The following PIMREG variants were observed in gnomAD, a reference collection of about 807,000 sequenced individuals.
PIMREG encodes protein PIMREG.
Under a neutral mutation model 24.3 loss-of-function variants are expected in PIMREG, and 19 were observed. That is an observed-to-expected ratio of 0.78 (90% CI 0.54 to 1.15). The LOEUF is 1.15. Ranked by LOEUF, PIMREG falls within the 50% of genes most tolerant of loss-of-function variation. The probability of loss-of-function intolerance (pLI) is 0.00; values close to 1 mark genes in which losing one functional copy is unlikely to be tolerated. For synonymous variants in PIMREG, 112 were observed against 124.1 expected (o/e 0.90, Z 0.65); for missense variants, 283 against 306.8 (o/e 0.92, Z 0.58).
rs1202639150 is a variant in PIMREG, at chr17:6,451,254, A to C, written c.*907A>C. The C allele has an allele frequency of 6.6e-6, 1 of 152,194 alleles. No individual in the cohort carries two copies. Among genetic ancestry groups the C allele is most frequent in the Non-Finnish European group, 1.5e-5 (1 of 68,038 alleles). 9.4% of individuals were successfully genotyped at this position (152,194 alleles called of 1,614,324 possible). A position where few individuals can be genotyped will look rare whatever the true frequency, so the allele number is the denominator to read the frequency against. On this transcript the variant is annotated 3_prime_UTR_variant, in exon 6 of 6. Coordinates refer to ENST00000572447, the MANE Select transcript of PIMREG (RefSeq NM_019013.3). ...GGTTTCTCAACTTAGTTCAGACCAA[A>C]ACACATTGTAAAGGCAAAGAAGGTT...
chr17:6,449,372 C>G lies in PIMREG; in HGVS notation c.651C>G (p.Ser217=), dbSNP rs759414561. Residue 217 remains serine (S), a synonymous_variant, in exon 4 of 6, where the codon TCC becomes TCG. Transcript: ENST00000572447. Reference sequence around the variant, plus strand: ...GAATTCAGCATCTCCAGAAGCTGTCCCAAGAGCTAGATGAAGCCATTATGG... The same window carrying G: ...GAATTCAGCATCTCCAGAAGCTGTCGCAAGAGCTAGATGAAGCCATTATGG... ...GAGIQHLQKL[S]QELDEAIMAE... 1.2e-6 allele frequency: 2 copies of G among 1,613,602 alleles called. No individual in the cohort carries two copies. Among genetic ancestry groups the G allele is most frequent in the Non-Finnish European group, 1.7e-6 (2 of 1,179,750 alleles).
In PIMREG at chr17:6,450,413, T is replaced by C; in HGVS notation, c.*66T>C. 6.4e-7 allele frequency: 1 copy of C among 1,570,560 alleles called. No individual in the cohort carries two copies. Among genetic ancestry groups the C allele is most frequent in the Non-Finnish European group, 8.6e-7 (1 of 1,165,930 alleles). On this transcript the variant is annotated 3_prime_UTR_variant, in exon 6 of 6. Coordinates refer to ENST00000572447, the MANE Select transcript of PIMREG (RefSeq NM_019013.3). The stretch of plus-strand genomic sequence containing the variant: ...GCTTCATACTCAAGGATGTCTATGC[T>C]TCCCCGTGAGCTTCCTGGAAAAAAC...
In PIMREG at chr17:6,449,398, C is replaced by T. The variant is rs377526630; in HGVS notation, c.677C>T (p.Ala226Val). The change falls in exon 4 of 6, where the codon GCG (alanine) becomes GTG (valine). Residue 226 changes from alanine (A) to valine (V), a missense_variant. Transcript: ENST00000572447. ...CAAGAGCTAGATGAAGCCATTATGG[C>T]GGAAGAGAGGTGAGTTGGCATCCCA... ...LSQELDEAIM[A>V]EESGDIVSLI... is the part of the protein sequence containing the mutation. 25 of 1,612,572 alleles carry T rather than the reference C, an allele frequency of 1.6e-5. No homozygotes were observed. In the East Asian group the frequency reaches 2.9e-4, roughly 19 times the overall value.
intron 3 of PIMREG, 37 bp from the exon 4 acceptor site, chr17:6,449,275 C>T (rs373053624): frequency 1.9e-6 from 3 of 1,575,012 alleles, no homozygotes; most frequent in African/African-American, 2.7e-5. Flanking sequence ...CCGGGAGTTT[C>T]CAACTAGTCA....
rs1188799751 is a variant in PIMREG, at chr17:6,447,666, G to T, written c.498G>T (p.Arg166=). The T allele has an allele frequency of 6.2e-7, 1 of 1,614,052 alleles. No homozygotes were observed. Among genetic ancestry groups the T allele is most frequent in the African/African-American group, 1.3e-5 (1 of 74,950 alleles). The part of the protein sequence containing the change: ...WEKEHHRLSV[R]MGSHAHPLRR... ...AGGAGCATCACCGCCTCTCTGTCCGGATGGGCTCACATGCCCACCCATTAC... is the reference window on the plus strand; with the variant it reads ...AGGAGCATCACCGCCTCTCTGTCCGTATGGGCTCACATGCCCACCCATTAC... Residue 166 remains arginine, a synonymous_variant, in exon 3 of 6, where the codon CGG becomes CGT. Transcript: ENST00000572447.
chr17:6,448,590 G>A (rs1270375348), intron 3 of PIMREG, among the ~76,000 whole-genome samples: 1 of 152,204 alleles, frequency 6.6e-6, no homozygotes, highest in East Asian at 1.9e-4. Context: ...AGAAATAGAG[G>A]AGTAAAGGCT....
chr17:6,449,633 G>A (rs1407341322), intron 4 of PIMREG: 4 of 1,302,514 alleles, frequency 3.1e-6, no homozygotes, highest in Non-Finnish European at 4.0e-6. Context: ...CTGGGCCTTG[G>A]GACCCCATGT....
In PIMREG at chr17:6,450,047, A is replaced by G. The variant is rs1399992356; in HGVS notation, c.706A>G (p.Ile236Val). Residue 236 changes from isoleucine to valine, a missense_variant, in exon 5 of 6, where the codon ATT (isoleucine) becomes GTT (valine). Transcript: ENST00000572447. ...AEESGDIVSL[I>V]HD ...CTCTAGTGGTGACATCGTCTCTCTCATTCATGACTGAGGAAGTGCCTGCAG... is the reference window on the plus strand; with the variant it reads ...CTCTAGTGGTGACATCGTCTCTCTCGTTCATGACTGAGGAAGTGCCTGCAG... The G allele has an allele frequency of 1.2e-6, 2 of 1,614,162 alleles. No homozygotes were observed. The highest frequency in any genetic ancestry group is 1.7e-5 in the Admixed American group (1 of 60,032).
In PIMREG at chr17:6,447,750, C is replaced by T. The variant is rs763003347; in HGVS notation, c.582C>T (p.Cys194=). ...CCTACTCCTCAACAGAGCCCCTCTG[C>T]TCTCCCAGGCAAGTGGGATAGTGCT... ...RSPYSSTEPL[C]SPSESDSDLE... is the part of the protein sequence containing the mutation. Residue 194 remains cysteine (C), a synonymous_variant, in exon 3 of 6, where the codon TGC becomes TGT. Transcript: ENST00000572447. 4 of 1,600,082 alleles carry T rather than the reference C, an allele frequency of 2.5e-6. No individual in the cohort carries two copies. The highest frequency in any genetic ancestry group is 2.6e-6 in the Non-Finnish European group (3 of 1,170,028).
chr17:6,447,529 C>T lies in PIMREG; in HGVS notation c.361C>T (p.Arg121Trp), dbSNP rs144086256. 97 of 1,614,124 alleles carry T rather than the reference C, an allele frequency of 6.0e-5. No homozygotes were observed. The highest frequency in any genetic ancestry group is 1.5e-4 in the Admixed American group (9 of 60,020). The change falls in exon 3 of 6, where the codon CGG becomes TGG. Residue 121 changes from arginine to tryptophan, a missense_variant. Physicochemically the swap from Arg to Trp is moderately radical, Grantham distance 101. Coordinates refer to ENST00000572447, the MANE Select transcript of PIMREG (RefSeq NM_019013.3). ...GGAGACCCAGGTGAAGGCCAGGAGG[C>T]GGAAGAGAGGAGCACAGAAGGGCAG... The part of the protein sequence containing the change: ...LVETQVKARR[R>W]KRGAQKGSGS...
intron 2 of PIMREG, chr17:6,446,011 T>G: frequency 2.5e-6 from 1 of 400,876 alleles, no homozygotes; most frequent in Non-Finnish European, 4.4e-6. Context: ...ATTAGCATAT[T>G]AGAATTTGCC....
chr17:6,445,128 G>T lies in PIMREG; in HGVS notation c.18G>T (p.Gln6His). 6.3e-7 allele frequency: 1 copy of T among 1,599,034 alleles called. No individual in the cohort carries two copies. The highest frequency in any genetic ancestry group is 8.5e-7 in the Non-Finnish European group (1 of 1,172,136). The change falls in exon 2 of 6, where the codon CAG becomes CAT. Residue 6 changes from glutamine (Q) to histidine (H), a missense_variant. Gln to His is a conservative substitution (Grantham distance 24). Transcript: ENST00000572447. MASRW[Q>H]NMGTSVRRRS... ...CCAGGCAGATGGCTTCTCGGTGGCA[G>T]AACATGGGGACCTCCGTGCGCCGGA...
chr17:6,447,976 T>A (rs1913650906), intron 3 of PIMREG, among the ~76,000 whole-genome samples: 1 of 151,996 alleles, frequency 6.6e-6, no homozygotes, highest in Non-Finnish European at 1.5e-5. Context: ...AGTGCATGTA[T>A]TTGCTCATCA....
chr17:6,450,065 G>A lies in PIMREG; in HGVS notation c.*7G>A, dbSNP rs776527702. ...CTCTCTCATTCATGACTGAGGAAGT[G>A]CCTGCAGGTAATGCCCACCTCCCAA... On this transcript the variant is annotated 3_prime_UTR_variant, in exon 5 of 6. Transcript: ENST00000572447. The A allele has an allele frequency of 6.2e-7, 1 of 1,614,064 alleles. No individual in the cohort carries two copies. The highest frequency in any genetic ancestry group is 8.5e-7 in the Non-Finnish European group (1 of 1,179,964).
intron 2 of PIMREG, among the ~76,000 whole-genome samples, chr17:6,446,948 G>A (rs1486776825): frequency 4.6e-5 from 7 of 152,202 alleles, no homozygotes; most frequent in Admixed American, 4.6e-4. Flanking sequence ...ATATCCAAGA[G>A]CTCTGAGCTG....
At chr17:6,445,024 G>A (rs1913516709) in intron 1 of PIMREG, 52 bp from the exon 2 acceptor site, 1 of 1,383,268 alleles carries the variant, frequency 7.2e-7, no homozygotes, top group Non-Finnish European at 9.6e-7. Context: ...GTGGGGCCTG[G>A]GAATGGGTAT....
intron 3 of PIMREG, 80 bp downstream of exon 3, chr17:6,447,838 C>T: frequency 6.9e-7 from 1 of 1,439,506 alleles, no homozygotes; most frequent in Non-Finnish European, 9.3e-7. Context: ...CTCCCAGACA[C>T]CAACTGGGCC....
chr17:6,444,964 C>T lies in PIMREG; in HGVS notation c.-35-112C>T, dbSNP rs1288170682. On this transcript the variant is annotated intron_variant, in intron 1 of 5. Coordinates refer to ENST00000572447, the MANE Select transcript of PIMREG (RefSeq NM_019013.3). The surrounding 1 kb of genome is among the most constrained non-coding windows in gnomAD (Gnocchi z 4.3). The stretch of plus-strand genomic sequence containing the variant: ...GCACCCACACTTACCAACTCGCCCG[C>T]CCCCGCCACCCCGCTGCATCCCGTC... 31 of 833,432 alleles carry T rather than the reference C, an allele frequency of 3.7e-5. No homozygotes were observed. Among genetic ancestry groups the T allele is most frequent in the Admixed American group, 6.8e-5 (2 of 29,214 alleles). 51.6% of individuals were successfully genotyped at this position (833,432 alleles called of 1,614,324 possible).
chr17:6,448,785 C>T (rs918051991), intron 3 of PIMREG, among the ~76,000 whole-genome samples: 2 of 152,254 alleles, frequency 1.3e-5, no homozygotes, highest in Admixed American at 6.5e-5. Flanking sequence ...GCTGCCTAGC[C>T]GCTGCACCTG....
Sources: allele counts gnomAD v4.1 joint callset (sites outside exome capture counted in the v4.1 genomes callset), GRCh38; gene constraint gnomAD v4.1.1; non-coding constraint Gnocchi (gnomAD v3.1); transcripts MANE v1.5; gene names NCBI Gene and HGNC (gene_info 2026-07-23, HGNC 2026-07-21).